The following DCHS2 variants were observed in gnomAD, a reference collection of about 807,000 sequenced individuals.
The protein encoded by DCHS2 is protocadherin-23.
Under a neutral mutation model 182.4 loss-of-function variants are expected in DCHS2, and 142 were observed. The ratio of observed to expected loss-of-function variants is 0.78; its 90% CI spans 0.68 to 0.89. The LOEUF (loss-of-function observed/expected upper bound fraction) is 0.89. Ranked by LOEUF, DCHS2 falls within the 40% of genes least tolerant of loss-of-function variation. The pLI is 0.00. For synonymous variants in DCHS2, 1,740 were observed against 1,663.3 expected (o/e 1.05, Z -1.12); for missense variants, 4,319 against 4,198.6 (o/e 1.03, Z -0.79).
intron 3 of DCHS2, among the ~76,000 whole-genome samples, chr4:154,349,281 A>G (rs988819599): frequency 6.6e-6 from 1 of 152,190 alleles, no homozygotes; most frequent in Non-Finnish European, 1.5e-5. Flanking sequence ...GGACTTTCTT[A>G]TCATGCCAGC....
chr4:154,357,193 CT>C, intron 3 of DCHS2: 3 of 1,517,746 alleles, frequency 2.0e-6, no homozygotes, highest in South Asian at 1.1e-5. Context: ...CTGACTCTGG[CT>C]TTTTTGGAGA....
Position 154,235,277 on chromosome 4 carries a change from G to A in DCHS2, c.9375C>T (p.Asp3125=). ...YRKCSDSALS[D]HESRVPDSGI... ...CCGAGTCTGGCACCCTGGACTCGTG[G>A]TCACTCAGAGCTGAGTCTGAGCACT... Residue 3125 remains aspartate (D), a synonymous_variant, in exon 20 of 20, where the codon GAC becomes GAT. Transcript: ENST00000357232. The A allele has an allele frequency of 1.9e-6, 3 of 1,614,080 alleles. No individual in the cohort carries two copies. Among genetic ancestry groups the A allele is most frequent in the Non-Finnish European group, 2.5e-6 (3 of 1,179,974 alleles).
intron 9 of DCHS2, among the ~76,000 whole-genome samples, chr4:154,320,156 A>C (rs1736000688): frequency 6.6e-6 from 1 of 152,186 alleles, no homozygotes; most frequent in South Asian, 2.1e-4. Flanking sequence ...GGAATCAAAG[A>C]GTGCAGTGGT....
chr4:154,490,280 T>C lies in DCHS2; in HGVS notation c.1076A>G (p.Glu359Gly). ...ALGDAAYFAV[E>G]ELSGVVRVWR... The stretch of plus-strand genomic sequence containing the variant: ...CACTCGCACCACGCCGCTCAGCTCC[T>C]CCACCGCGAAGTAGGCCGCGTCGCC... The change falls in exon 1 of 20, where the codon GAG (glutamate) becomes GGG (glycine). Residue 359 changes from glutamate (E) to glycine (G), a missense_variant. Transcript: ENST00000357232. 6.5e-7 allele frequency: 1 copy of C among 1,548,476 alleles called. No homozygotes were observed. The highest frequency in any genetic ancestry group is 8.7e-7 in the Non-Finnish European group (1 of 1,146,708).
intron 7 of DCHS2, among the ~76,000 whole-genome samples, chr4:154,326,459 C>G (rs1443767544): frequency 6.6e-6 from 1 of 152,078 alleles, no homozygotes; most frequent in Non-Finnish European, 1.5e-5. Context: ...TTTTATTTAT[C>G]TATTTCTTTG....
At chr4:154,301,458 G>C (rs543336087) in intron 12 of DCHS2, among the ~76,000 whole-genome samples, 2 of 152,194 alleles carry the variant, frequency 1.3e-5, no homozygotes, top group Non-Finnish European at 2.9e-5. Context: ...AACAGACTTG[G>C]CACTGTGCTT....
chr4:154,470,923 A>G (rs1735438107), intron 1 of DCHS2, among the ~76,000 whole-genome samples: 1 of 152,166 alleles, frequency 6.6e-6, no homozygotes, highest in Non-Finnish European at 1.5e-5. Context: ...TTGGGCAACC[A>G]CATTTGGATA....
At chr4:154,316,472 A>G (rs1735859293) in intron 9 of DCHS2, among the ~76,000 whole-genome samples, 1 of 152,188 alleles carries the variant, frequency 6.6e-6, no homozygotes, top group African/African-American at 2.4e-5. Flanking sequence ...TTTTTTAACA[A>G]TAAAGAGCAG....
chr4:154,491,625 A>T lies in DCHS2; in HGVS notation c.-270T>A. On this transcript the variant is annotated 5_prime_UTR_variant, in exon 1 of 20. It removes an upstream start codon present in the reference 5' UTR. Transcript: ENST00000357232. ...CCCTGGATTTCTTTAAACGAATCTC[A>T]TCTCTTTTTCTCTCTCCTTTTATTC... The T allele has an allele frequency of 7.6e-7, 1 of 1,313,928 alleles. No individual in the cohort carries two copies. Among genetic ancestry groups the T allele is most frequent in the Non-Finnish European group, 9.6e-7 (1 of 1,037,396 alleles). 81.4% of individuals were successfully genotyped at this position (1,313,928 alleles called of 1,614,324 possible).
chr4:154,242,813 A>T (rs746936482), intron 16 of DCHS2, 41 bp from the exon 17 acceptor site: 4 of 1,565,206 alleles, frequency 2.6e-6, no homozygotes, highest in Non-Finnish European at 3.4e-6. Flanking sequence ...TTCATCATCC[A>T]GGAATTAGAA....
intron 3 of DCHS2, among the ~76,000 whole-genome samples, chr4:154,337,367 G>A (rs1728859818): frequency 2.0e-5 from 3 of 152,242 alleles, no homozygotes; most frequent in African/African-American, 7.2e-5. Context: ...CTTAATGTCT[G>A]CCTCAACACA....
chr4:154,459,557 C>T (rs1446680798), intron 1 of DCHS2, among the ~76,000 whole-genome samples: 1 of 152,104 alleles, frequency 6.6e-6, no homozygotes, highest in Non-Finnish European at 1.5e-5. Flanking sequence ...CTTCCCTTGC[C>T]CTGCTCTGCC....
chr4:154,250,815 A>T (rs1252017093), intron 16 of DCHS2, among the ~76,000 whole-genome samples: 1 of 152,226 alleles, frequency 6.6e-6, no homozygotes, highest in African/African-American at 2.4e-5. Flanking sequence ...AGAAATAAAG[A>T]TACAAACATT....
At chr4:154,327,720 T>C (rs138158853) in intron 7 of DCHS2, among the ~76,000 whole-genome samples, 2,555 of 152,266 alleles carry the variant, frequency 0.017, 231 homozygotes, top group Admixed American at 0.16. Context: ...TCAGTCTTCA[T>C]AAAGATTTAT....
chr4:154,270,132 A>G (rs562631599), intron 13 of DCHS2, 119 bp from the exon 14 acceptor site: 9 of 1,245,186 alleles, frequency 7.2e-6, no homozygotes, highest in African/African-American at 1.5e-5. Context: ...CATTGATTCA[A>G]CAATAACTTA....
At chr4:154,263,432 A>G (rs899011964) in intron 14 of DCHS2, among the ~76,000 whole-genome samples, 3 of 152,002 alleles carry the variant, frequency 2.0e-5, no homozygotes, top group Admixed American at 6.6e-5. Context: ...TTGAGTTGGT[A>G]CAGTTGTAAG....
At chr4:154,278,139 A>G (rs1733950346) in intron 13 of DCHS2, among the ~76,000 whole-genome samples, 1 of 152,174 alleles carries the variant, frequency 6.6e-6, no homozygotes. Flanking sequence ...TGCATGAACA[A>G]AGTGAGAATA....
chr4:154,264,407 A>G (rs1356677184), intron 14 of DCHS2, among the ~76,000 whole-genome samples: 1 of 152,212 alleles, frequency 6.6e-6, no homozygotes, highest in Non-Finnish European at 1.5e-5. Context: ...TCAAAAGACA[A>G]AGAGTTGAAA....
At chr4:154,287,757 T>G (rs1230922689) in intron 13 of DCHS2, among the ~76,000 whole-genome samples, 1 of 152,084 alleles carries the variant, frequency 6.6e-6, no homozygotes, top group Non-Finnish European at 1.5e-5. Context: ...CCTGGGATTA[T>G]AGATGTGAGC....
Sources: allele counts gnomAD v4.1 joint callset (sites outside exome capture counted in the v4.1 genomes callset), GRCh38; gene constraint gnomAD v4.1.1; transcripts MANE v1.5; gene names NCBI Gene and HGNC (gene_info 2026-07-23, HGNC 2026-07-21).